PRKCG: variants seen among roughly 807,000 people sequenced by gnomAD.
PRKCG encodes the protein protein kinase C gamma type.
Under a neutral mutation model 82.0 loss-of-function variants are expected in PRKCG, and 28 were observed. That is an observed-to-expected ratio of 0.34 (90% confidence interval 0.25 to 0.47). The LOEUF is 0.47. Among genes scored for constraint, PRKCG ranks in the 20% least tolerant of loss-of-function variants. PRKCG has a pLI of 1.00. For missense variants in PRKCG, 640 were observed against 952.7 expected (o/e 0.67, Z 4.32); for synonymous variants, 383 against 376.6 (o/e 1.02, Z -0.20).
Position 53,882,452 on chromosome 19 carries a change from C to T in PRKCG, c.-43C>T, listed in dbSNP as rs567112843. The stretch of plus-strand genomic sequence containing the variant: ...CTCCTCTCCCTTCCACCTGTTTCCC[C>T]CAAGAAAGGCAGGATCCTGGTCCCT... On this transcript the variant is annotated 5_prime_UTR_variant, in exon 1 of 18. Transcript: ENST00000263431. This position sits in a 1 kb window ranked among gnomAD's most constrained non-coding sequence, Gnocchi z 6.1. 2 of 1,592,120 alleles carry T rather than the reference C, an allele frequency of 1.3e-6. No homozygotes were observed.
At chr19:53,890,115 G>A in intron 5 of PRKCG, 98 bp downstream of exon 5, 1 of 1,307,114 alleles carries the variant, frequency 7.7e-7, no homozygotes, top group Non-Finnish European at 1.1e-6. Context: ...CCCCAAAGAT[G>A]GGGCCACGCC....
At position 53,900,883 on chromosome 19, in the gene PRKCG, C is replaced by T. The variant is rs533928701; in HGVS notation, c.1575+134C>T. The T allele has an allele frequency of 4.8e-6, 7 of 1,473,626 alleles. No individual in the cohort carries two copies. Among genetic ancestry groups the T allele is most frequent in the East Asian group, 2.3e-5 (1 of 44,076 alleles). 91.3% of individuals were successfully genotyped at this position (1,473,626 alleles called of 1,614,324 possible). A position where few individuals can be genotyped will look rare whatever the true frequency, so the allele number is the denominator to read the frequency against. On this transcript the variant is annotated intron_variant, in intron 14 of 17. Transcript: ENST00000263431. This position sits in a 1 kb window ranked among gnomAD's most constrained non-coding sequence, Gnocchi z 4.2. ...GTTGTGGCCTTCTTACACAGCCAGTCGTTCCTCCAGCCTCCAGCACAGGTG... is the reference window on the plus strand; with the variant it reads ...GTTGTGGCCTTCTTACACAGCCAGTTGTTCCTCCAGCCTCCAGCACAGGTG...
chr19:53,898,759 ATTGTCTCCTCAGGGGGCGTGGCCGGGGGG>A (rs2068736745), intron 11 of PRKCG, 131 bp downstream of exon 11: 1 of 215,798 alleles, frequency 4.6e-6, no homozygotes, highest in African/African-American at 3.5e-5. Flanking sequence ...GGCCAGGCGG[ATTGTCTCCTCAGGGGGCGTGGCCGGGGGG>A]GGGTCCTTGG....
At position 53,900,015 on chromosome 19, in the gene PRKCG, A is replaced by G. The variant is rs1180169710; in HGVS notation, c.1282-218A>G. 6.6e-6 allele frequency among the ~76,000 whole-genome samples: 1 copy of G among 152,218 alleles called. No homozygotes were observed. Among genetic ancestry groups the G allele is most frequent in the Non-Finnish European group, 1.5e-5 (1 of 68,042 alleles). On this transcript the variant is annotated intron_variant, in intron 11 of 17. Coordinates refer to ENST00000263431, the MANE Select transcript of PRKCG (RefSeq NM_002739.5). This position sits in a 1 kb window ranked among gnomAD's most constrained non-coding sequence, Gnocchi z 4.2. ...TCTTCAATTCTGAGAAGGCGGGGCC[A>G]GAACACGTGGTCTGATAGTTGGCGG...
chr19:53,887,369 C>T (rs994023749), intron 3 of PRKCG, among the ~76,000 whole-genome samples: 4 of 151,698 alleles, frequency 2.6e-5, no homozygotes, highest in Non-Finnish European at 5.9e-5. Flanking sequence ...TGGTGGCACA[C>T]GCCTGTAATC....
chr19:53,898,725 A>C, intron 11 of PRKCG, 97 bp downstream of exon 11: 1 of 1,106,216 alleles, frequency 9.0e-7, no homozygotes. Flanking sequence ...AGGCAAGAGA[A>C]CTTTGTGCTC....
rs1003778573 is a variant in PRKCG at position 53,883,933 on chromosome 19, C to A, written c.203-228C>A. On this transcript the variant is annotated intron_variant, in intron 2 of 17. Coordinates refer to ENST00000263431, the MANE Select transcript of PRKCG (RefSeq NM_002739.5). This position sits in a 1 kb window ranked among gnomAD's most constrained non-coding sequence, Gnocchi z 5.4. ...CTGTGCTCTGTGTCTCTCTGTAAGT[C>A]TCTGCGTCTCTGTTTCTGACTCTGA... Among the ~76,000 whole-genome samples, 5 of 152,054 alleles carry A rather than the reference C, an allele frequency of 3.3e-5. No homozygotes were observed. The highest frequency in any genetic ancestry group is 9.7e-5 in the African/African-American group (4 of 41,398).
At chr19:53,899,811 T>A (rs2068749272) in intron 11 of PRKCG, among the ~76,000 whole-genome samples, 1 of 152,202 alleles carries the variant, frequency 6.6e-6, no homozygotes, top group African/African-American at 2.4e-5. Flanking sequence ...GGTCTGGAAC[T>A]CCTGACCTCA....
Position 53,889,715 on chromosome 19 carries a change from C to G in PRKCG, c.363C>G (p.Leu121=). The change falls in exon 4 of 18, where the codon CTC becomes CTG. Residue 121 remains leucine (L), a synonymous_variant. Transcript: ENST00000263431. The surrounding 1 kb of genome is among the most constrained non-coding windows in gnomAD (Gnocchi z 4.4). ...PTFCDHCGSL[L]YGLVHQGMKC... Reference sequence around the variant, plus strand: ...TCTGCGACCACTGTGGCTCCCTCCTCTACGGGCTTGTGCACCAGGGCATGA... The same window carrying G: ...TCTGCGACCACTGTGGCTCCCTCCTGTACGGGCTTGTGCACCAGGGCATGA... The G allele has an allele frequency of 1.2e-6, 2 of 1,614,180 alleles. No individual in the cohort carries two copies. The highest frequency in any genetic ancestry group is 3.3e-5 in the Admixed American group (2 of 60,020).
At chr19:53,903,266 G>C in intron 15 of PRKCG, 113 bp downstream of exon 15, 1 of 843,618 alleles carries the variant, frequency 1.2e-6, no homozygotes, top group Non-Finnish European at 2.1e-6. Context: ...GAATAGCGCT[G>C]TCCATGGTTC....
At position 53,882,448 on chromosome 19, in the gene PRKCG, T is replaced by C. The variant is rs2068599460; in HGVS notation, c.-47T>C. ...CCAGCTCCTCTCCCTTCCACCTGTT[T>C]CCCCCAAGAAAGGCAGGATCCTGGT... On this transcript the variant is annotated 5_prime_UTR_variant, in exon 1 of 18. Transcript: ENST00000263431. The surrounding 1 kb of genome is among the most constrained non-coding windows in gnomAD (Gnocchi z 6.1). 3.1e-6 allele frequency: 5 copies of C among 1,589,866 alleles called. No individual in the cohort carries two copies. Among genetic ancestry groups the C allele is most frequent in the Non-Finnish European group, 4.3e-6 (5 of 1,168,466 alleles).
rs753746668 is a variant in PRKCG at position 53,882,499 on chromosome 19, C to A, written c.5C>A (p.Ala2Asp). 6.2e-7 allele frequency: 1 copy of A among 1,613,562 alleles called. No individual in the cohort carries two copies. The highest frequency in any genetic ancestry group is 8.5e-7 in the Non-Finnish European group (1 of 1,179,732). MAGLGPGVGDSE... is the reference protein window; with the variant it reads MDGLGPGVGDSE... ...CCCTGCTACGTTTCTGGGGCCATGG[C>A]TGGTCTGGGCCCCGGCGTAGGCGAT... The change falls in exon 1 of 18, where the codon GCT becomes GAT. Residue 2 changes from alanine (A) to aspartate (D), a missense_variant. Transcript: ENST00000263431. This position sits in a 1 kb window ranked among gnomAD's most constrained non-coding sequence, Gnocchi z 6.1.
At chr19:53,890,780 C>T (rs1445427575) in intron 5 of PRKCG, among the ~76,000 whole-genome samples, 2 of 145,244 alleles carry the variant, frequency 1.4e-5, no homozygotes, top group Admixed American at 7.0e-5. Context: ...GAGACAAGAT[C>T]TCGCTCTGTT....
rs748915478 is a variant in PRKCG at position 53,906,709 on chromosome 19, T to C, written c.1908T>C (p.Cys636=). The change falls in exon 18 of 18, where the codon TGT becomes TGC. Residue 636 remains cysteine (C), a splice_region_variant and synonymous_variant. Transcript: ENST00000263431. ...TCCCTCCCCCACGTCTCCCACAGTG[T>C]GGCCGCAGCGGCGAGAACTTTGACA... The part of the protein sequence containing the change: ...EIPPPFRPRP[C]GRSGENFDKF... The C allele has an allele frequency of 6.2e-7, 1 of 1,612,650 alleles. No homozygotes were observed.
Position 53,882,695 on chromosome 19 carries a change from C to CGGGGG in PRKCG, c.170+32_170+33insGGGGG. On this transcript the variant is annotated intron_variant, in intron 1 of 17. Transcript: ENST00000263431. The surrounding 1 kb of genome is among the most constrained non-coding windows in gnomAD (Gnocchi z 6.1). ...GGAAGGGGGCTGGGGGACTGGGGGACGAGGGGACTAGGGGTGCAGACTCCT... is the reference window on the plus strand; with the variant it reads ...GGAAGGGGGCTGGGGGACTGGGGGACGGGGGGAGGGGACTAGGGGTGCAGACTCCT... 1.5e-6 allele frequency: 2 copies of CGGGGG among 1,369,996 alleles called. No individual in the cohort carries two copies. Among genetic ancestry groups the CGGGGG allele is most frequent in the Non-Finnish European group, 2.1e-6 (2 of 970,288 alleles). 84.9% of individuals were successfully genotyped at this position (1,369,996 alleles called of 1,614,324 possible). A position where few individuals can be genotyped will look rare whatever the true frequency, so the allele number is the denominator to read the frequency against.
At position 53,900,425 on chromosome 19, in the gene PRKCG, C is replaced by T. The variant is rs762961166; in HGVS notation, c.1380C>T (p.Tyr460=). ...CACCCACCCCGTCCTCCAGGTTCTACGCGGCAGAAATCGCTATCGGCCTCT... is the reference window on the plus strand; with the variant it reads ...CACCCACCCCGTCCTCCAGGTTCTATGCGGCAGAAATCGCTATCGGCCTCT... ...GKFKEPHAAF[Y]AAEIAIGLFF... The change falls in exon 13 of 18, where the codon TAC becomes TAT. Residue 460 remains tyrosine (Y), a synonymous_variant. Transcript: ENST00000263431. This position sits in a 1 kb window ranked among gnomAD's most constrained non-coding sequence, Gnocchi z 4.2. 5.0e-6 allele frequency: 8 copies of T among 1,614,022 alleles called. No individual in the cohort carries two copies. Among genetic ancestry groups the T allele is most frequent in the East Asian group, 2.2e-5 (1 of 44,878 alleles).
Position 53,897,966 on chromosome 19 carries a change from G to GGATGGGCCCCTCT in PRKCG, c.948_960dup (p.Ser321AspfsTer14). The GGATGGGCCCCTCT allele has an allele frequency of 6.2e-7, 1 of 1,614,048 alleles. No individual in the cohort carries two copies. The highest frequency in any genetic ancestry group is 8.5e-7 in the Non-Finnish European group (1 of 1,180,012). On this transcript the variant is annotated frameshift_variant, in exon 10 of 18. Coordinates refer to ENST00000263431, the MANE Select transcript of PRKCG (RefSeq NM_002739.5). LOFTEE classifies it high-confidence loss of function. ...TCTTTCTCCTTTCCACAGCGGGTGCGGATGGGCCCCTCTTCCTCTCCCATC... is the reference window on the plus strand; with the variant it reads ...TCTTTCTCCTTTCCACAGCGGGTGCGGATGGGCCCCTCTGATGGGCCCCTCTTCCTCTCCCATC...
At position 53,889,915 on chromosome 19, in the gene PRKCG, G is replaced by T; in HGVS notation, c.427G>T (p.Val143Leu). The change falls in exon 5 of 18, where the codon GTG (valine) becomes TTG (leucine). Residue 143 changes from valine (V) to leucine (L), a missense_variant. Transcript: ENST00000263431. This position sits in a 1 kb window ranked among gnomAD's most constrained non-coding sequence, Gnocchi z 4.4. Reference sequence around the variant, plus strand: ...CGAGATGAACGTGCACCGGCGCTGTGTGCGTAGCGTGCCCTCCCTGTGCGG... The same window carrying T: ...CGAGATGAACGTGCACCGGCGCTGTTTGCGTAGCGTGCCCTCCCTGTGCGG... ...CCEMNVHRRC[V>L]RSVPSLCGVD... 1 of 1,583,924 alleles carries T rather than the reference G, an allele frequency of 6.3e-7. No individual in the cohort carries two copies. Among genetic ancestry groups the T allele is most frequent in the Non-Finnish European group, 8.6e-7 (1 of 1,165,898 alleles).
chr19:53,895,560 T>C (rs1042719051), intron 9 of PRKCG, among the ~76,000 whole-genome samples: 1 of 151,994 alleles, frequency 6.6e-6, no homozygotes, highest in Non-Finnish European at 1.5e-5. Flanking sequence ...TTATAGTCTT[T>C]ACTGGACTCT....
Sources: gnomAD v4.1 joint callset for allele counts (sites outside exome capture counted in the v4.1 genomes callset) on GRCh38, gnomAD v4.1.1 for gene constraint, Gnocchi (gnomAD v3.1) non-coding constraint, MANE v1.5 for transcripts, NCBI Gene and HGNC (gene_info 2026-07-23, HGNC 2026-07-21) for gene names.